Variants in MTCL1 observed in about 807,000 individuals in gnomAD.
The protein encoded by MTCL1 is microtubule cross-linking factor 1.
Under a neutral mutation model 141.4 loss-of-function variants are expected in MTCL1, and 79 were observed. The observed-to-expected ratio is 0.56, with a 90% CI of 0.47 to 0.67. The LOEUF (loss-of-function observed/expected upper bound fraction) is 0.67, where lower values mean the gene tolerates loss of function less well. Among genes scored for constraint, MTCL1 ranks in the 30% least tolerant of loss-of-function variants. The pLI, the probability that MTCL1 is intolerant of heterozygous loss-of-function variation, is 0.00. For missense variants in MTCL1, 2,177 were observed against 2,113.9 expected, an observed-to-expected ratio of 1.03 and a Z score of -0.59; for synonymous variants, 914 against 875.8, an observed-to-expected ratio of 1.04 and a Z score of -0.77.
chr18:8,756,941 C>T (rs557776190), intron 4 of MTCL1, among the ~76,000 whole-genome samples: 1 of 152,294 alleles, frequency 6.6e-6, no homozygotes, highest in East Asian at 1.9e-4. Context: ...GTGACACTTG[C>T]AAAGCAAAGG....
intron 4 of MTCL1, among the ~76,000 whole-genome samples, chr18:8,738,924 A>G (rs2096287193): frequency 6.6e-6 from 1 of 152,160 alleles, no homozygotes; most frequent in South Asian, 2.1e-4. Context: ...ATTTTGGTGC[A>G]TGTCACTTGT....
intron 4 of MTCL1, among the ~76,000 whole-genome samples, chr18:8,769,368 T>TAA (rs923975129): frequency 1.3e-5 from 2 of 152,228 alleles, no homozygotes; most frequent in African/African-American, 4.8e-5. Context: ...GGTCATCAGT[T>TAA]ACAATTTTTC....
intron 4 of MTCL1, among the ~76,000 whole-genome samples, chr18:8,756,081 G>A (rs1331551125): frequency 6.6e-6 from 1 of 152,216 alleles, no homozygotes; most frequent in Non-Finnish European, 1.5e-5. Context: ...AGGCTACAGT[G>A]GGCCAAGATC....
At chr18:8,784,768 C>T (rs1453163012) in exon 6 of MTCL1, 1 of 1,613,962 alleles carries the variant, frequency 6.2e-7, no homozygotes, top group East Asian at 2.2e-5. Flanking sequence ...CCTCTAGCTT[C>T]CTCTCCACTG....
intron 4 of MTCL1, among the ~76,000 whole-genome samples, chr18:8,728,884 G>A (rs1044092927): frequency 5.3e-5 from 8 of 151,506 alleles, no homozygotes; most frequent in Non-Finnish European, 1.2e-4. Flanking sequence ...ACAGGTGCAC[G>A]CCACCATGCC....
In MTCL1 at chr18:8,822,292, T is replaced by A. The variant is rs2076870988; in HGVS notation, c.3188+794T>A. ...CAAACTGCCTGGGTTGGTTGGTTGG[T>A]TGGTTGGTTGGTTGATTTTTGAAAT... On this transcript the variant is annotated intron_variant, in intron 14 of 16. Transcript: ENST00000359865. The surrounding 1 kb of genome is among the most constrained non-coding windows in gnomAD (Gnocchi z 4.6). Among the ~76,000 whole-genome samples, 1 of 151,542 alleles carries A rather than the reference T, an allele frequency of 6.6e-6. No homozygotes were observed. Among genetic ancestry groups the A allele is most frequent in the African/African-American group, 2.4e-5 (1 of 41,208 alleles).
At chr18:8,729,673 AATAT>A (rs3051533) in intron 4 of MTCL1, among the ~76,000 whole-genome samples, 29 of 131,488 alleles carry the variant, frequency 2.2e-4, no homozygotes, top group Non-Finnish European at 3.0e-4. Context: ...CAAGAAGACA[AATAT>A]ATATATATAT....
intron 4 of MTCL1, among the ~76,000 whole-genome samples, chr18:8,731,238 C>A (rs965158753): frequency 6.6e-6 from 1 of 150,896 alleles, no homozygotes; most frequent in African/African-American, 2.4e-5. Context: ...GAGCAAGACT[C>A]CATCTCAAAA....
Position 8,832,541 on chromosome 18 carries a change from G to C in MTCL1, c.*953G>C, listed in dbSNP as rs551980002. 5 of 152,372 alleles carry C rather than the reference G, an allele frequency of 3.3e-5. No homozygotes were observed. In the South Asian group the frequency reaches 6.2e-4, roughly 19 times the overall value. 9.4% of individuals were successfully genotyped at this position (152,372 alleles called of 1,614,324 possible). On this transcript the variant is annotated 3_prime_UTR_variant, in exon 17 of 17. Coordinates refer to ENST00000359865, the Ensembl canonical transcript of MTCL1. ...TCAGTCTGTTCCACTGTAATATGTT[G>C]TGAATTTCCTTGTACTGTACTTTTA...
chr18:8,778,824 C>T (rs2096522403), intron 5 of MTCL1, among the ~76,000 whole-genome samples: 1 of 152,212 alleles, frequency 6.6e-6, no homozygotes, highest in Non-Finnish European at 1.5e-5. Context: ...AGTTGACTGG[C>T]TCTTGCCCAG....
At chr18:8,823,035 A>AGAT (rs2076897168) in intron 14 of MTCL1, among the ~76,000 whole-genome samples, 1 of 151,882 alleles carries the variant, frequency 6.6e-6, no homozygotes. Flanking sequence ...AAAAAAAAAA[A>AGAT]AGATAGATAG....
At position 8,756,904 on chromosome 18, in the gene MTCL1, T is replaced by C. The variant is rs1039330755; in HGVS notation, c.358-20929T>C. Reference sequence around the variant, plus strand: ...ATTTCTATCTCCTAGTGGCTGTCGTTGTCTAAGGCCCCAGTCCCTGGTGGA... The same window carrying C: ...ATTTCTATCTCCTAGTGGCTGTCGTCGTCTAAGGCCCCAGTCCCTGGTGGA... On this transcript the variant is annotated intron_variant, in intron 4 of 16. Coordinates refer to ENST00000359865, the Ensembl canonical transcript of MTCL1. Among the ~76,000 whole-genome samples the C allele has an allele frequency of 6.8e-4, 103 of 152,318 alleles. 1 individual carries two copies. The highest frequency in any genetic ancestry group is 2.4e-3 in the African/African-American group (99 of 41,576).
intron 5 of MTCL1, 185 bp downstream of exon 4, chr18:8,778,077 C>A: frequency 6.0e-6 from 3 of 500,134 alleles, no homozygotes; most frequent in Non-Finnish European, 1.0e-5. Context: ...ACAGCTCCTC[C>A]CTCTTGTTTC....
At chr18:8,818,198 G>T (rs1465628233) in intron 12 of MTCL1, among the ~76,000 whole-genome samples, 2 of 152,192 alleles carry the variant, frequency 1.3e-5, no homozygotes, top group Non-Finnish European at 2.9e-5. Context: ...GGAGAGTCGG[G>T]AACTTGCACC....
At chr18:8,766,286 G>A (rs1375051076) in intron 4 of MTCL1, among the ~76,000 whole-genome samples, 6 of 148,458 alleles carry the variant, frequency 4.0e-5, no homozygotes, top group South Asian at 4.3e-4. Flanking sequence ...TCCATGTAGC[G>A]CCTGTTGTGT....
chr18:8,784,709 G>T, exon 6 of MTCL1: 1 of 1,614,218 alleles, frequency 6.2e-7, no homozygotes. Context: ...CCTGGAGCAG[G>T]TGAACCGCAT....
chr18:8,825,458 G>T (rs147203549), exon 15 of MTCL1: 4 of 1,596,438 alleles, frequency 2.5e-6, no homozygotes, highest in South Asian at 1.1e-5. Flanking sequence ...GGTCCCGGAC[G>T]ATGGGGACCC....
At chr18:8,781,325 A>G (rs1406906382) in intron 5 of MTCL1, among the ~76,000 whole-genome samples, 2 of 152,096 alleles carry the variant, frequency 1.3e-5, no homozygotes, top group East Asian at 1.9e-4. Context: ...TCATTACCCC[A>G]GCAGCGATGA....
upstream of MTCL1, among the ~76,000 whole-genome samples, chr18:8,713,515 A>C (rs2096107428): frequency 6.6e-6 from 1 of 152,254 alleles, no homozygotes; most frequent in Non-Finnish European, 1.5e-5. Flanking sequence ...GCATGCCGTC[A>C]GAAAATTAAT....
Sources: gnomAD v4.1 joint callset for allele counts (sites outside exome capture counted in the v4.1 genomes callset) on GRCh38, gnomAD v4.1.1 for gene constraint, Gnocchi (gnomAD v3.1) non-coding constraint, MANE v1.5 for transcripts, NCBI Gene and HGNC (gene_info 2026-07-23, HGNC 2026-07-21) for gene names.